DEK: variants seen among roughly 807,000 people sequenced by gnomAD.
DEK encodes protein DEK.
DEK carries 28 observed loss-of-function variants against 46.8 expected under a neutral mutation model. The ratio of observed to expected loss-of-function variants is 0.60; its 90% CI spans 0.44 to 0.82. The LOEUF (loss-of-function observed/expected upper bound fraction) is 0.82. DEK is among the 40% of genes least tolerant of loss of function. The probability of loss-of-function intolerance (pLI) is 0.00; values close to 1 mark genes in which losing one functional copy is unlikely to be tolerated. For missense variants in DEK, 416 were observed against 430.6 expected (o/e 0.97, Z 0.30); for synonymous variants, 160 against 144.5 (o/e 1.11, Z -0.77).
chr6:18,260,586 C>T (rs1791813379), intron 2 of DEK, among the ~76,000 whole-genome samples: 1 of 152,160 alleles, frequency 6.6e-6, no homozygotes, highest in Admixed American at 6.5e-5. Flanking sequence ...TCCCTTTTCC[C>T]CAAAATCACT....
At chr6:18,226,911 C>A (rs1790152524) in intron 9 of DEK, among the ~76,000 whole-genome samples, 1 of 152,202 alleles carries the variant, frequency 6.6e-6, no homozygotes, top group Admixed American at 6.5e-5. Context: ...TGTGTCAACT[C>A]AGGGTGAAAT....
intron 7 of DEK, among the ~76,000 whole-genome samples, chr6:18,239,734 G>A (rs1442187458): frequency 6.6e-6 from 1 of 152,090 alleles, no homozygotes; most frequent in Non-Finnish European, 1.5e-5. Context: ...ATGGTGTGGG[G>A]CTATGGGACA....
At chr6:18,237,641 TAAA>T (rs1790716934) in intron 7 of DEK, 125 bp from the exon 8 acceptor site, 1 of 1,302,108 alleles carries the variant, frequency 7.7e-7, no homozygotes, top group Non-Finnish European at 1.0e-6. Flanking sequence ...TATCAGCAAT[TAAA>T]AATTCTTTTT....
chr6:18,260,311 C>A (rs1791800059), intron 2 of DEK, among the ~76,000 whole-genome samples: 1 of 152,132 alleles, frequency 6.6e-6, no homozygotes, highest in African/African-American at 2.4e-5. Context: ...ATGCAACCAT[C>A]CATTTTTACC....
rs143664686 is a variant in DEK at position 18,256,349 on chromosome 6, A to G, written c.452+12T>C. On this transcript the variant is annotated intron_variant, in intron 5 of 10. Transcript: ENST00000652689. ...TATTGATCAAAATACAGTATTTATA[A>G]AAATAACTTACTTTTTCAACATTTC... 6.3e-7 allele frequency: 1 copy of G among 1,591,366 alleles called. No individual in the cohort carries two copies. The highest frequency in any genetic ancestry group is 1.1e-5 in the South Asian group (1 of 88,916).
At chr6:18,228,919 C>T (rs557298721) in intron 9 of DEK, among the ~76,000 whole-genome samples, 3 of 152,220 alleles carry the variant, frequency 2.0e-5, no homozygotes, top group Non-Finnish European at 4.4e-5. Context: ...GGAGGCCTGA[C>T]TGCCTCTGTA....
intron 4 of DEK, among the ~76,000 whole-genome samples, chr6:18,257,464 C>A (rs1791648627): frequency 6.6e-6 from 1 of 152,204 alleles, no homozygotes; most frequent in Non-Finnish European, 1.5e-5. Flanking sequence ...GTAATCCCAA[C>A]ACTTTGGGAG....
chr6:18,261,050 G>A (rs1408024330), intron 2 of DEK, among the ~76,000 whole-genome samples: 1 of 151,816 alleles, frequency 6.6e-6, no homozygotes, highest in Non-Finnish European at 1.5e-5. Flanking sequence ...AGGGGAAATG[G>A]GGGGTGGACC....
chr6:18,252,624 T>C (rs1270232048), intron 6 of DEK, among the ~76,000 whole-genome samples: 5 of 151,406 alleles, frequency 3.3e-5, no homozygotes, highest in African/African-American at 1.2e-4. Context: ...TAAGATTCTA[T>C]ATGACAAGAA....
chr6:18,246,077 C>G (rs1791102846), intron 7 of DEK, among the ~76,000 whole-genome samples: 1 of 152,058 alleles, frequency 6.6e-6, no homozygotes, highest in Non-Finnish European at 1.5e-5. Flanking sequence ...TAAAATTACT[C>G]AGTCTTGGGT....
chr6:18,226,005 T>C lies in DEK; in HGVS notation c.1116+169A>G, dbSNP rs923833280. The C allele has an allele frequency of 3.1e-5, 24 of 781,814 alleles. No individual in the cohort carries two copies. In the African/African-American group the frequency reaches 4.2e-4, roughly 14 times the overall value. The allele number at this position is 781,814 out of a possible 1,614,324, so 48.4% of individuals were successfully genotyped here. On this transcript the variant is annotated intron_variant, in intron 10 of 10. Coordinates refer to ENST00000652689, the MANE Select transcript of DEK (RefSeq NM_003472.4). ...ATCACTAACTGTTCAAACTTTAATTTTAAGCTTTAAAGTGGGAATGAGAAG... is the reference window on the plus strand; with the variant it reads ...ATCACTAACTGTTCAAACTTTAATTCTAAGCTTTAAAGTGGGAATGAGAAG...
intron 9 of DEK, among the ~76,000 whole-genome samples, chr6:18,230,837 G>A (rs1396255166): frequency 6.6e-6 from 1 of 152,152 alleles, no homozygotes; most frequent in Admixed American, 6.5e-5. Context: ...AAGTCAACAA[G>A]GATACCCAGG....
intron 9 of DEK, among the ~76,000 whole-genome samples, chr6:18,230,526 G>A (rs1195917436): frequency 6.6e-6 from 1 of 152,160 alleles, no homozygotes; most frequent in East Asian, 1.9e-4. Context: ...ATGAAGGGAT[G>A]GAGGAAGATC....
chr6:18,256,549 C>T, intron 4 of DEK, 94 bp from the exon 5 acceptor site: 1 of 1,001,792 alleles, frequency 1.0e-6, no homozygotes, highest in Non-Finnish European at 1.5e-6. Flanking sequence ...TCTTTATTTT[C>T]ATACCTGTCT....
intron 6 of DEK, among the ~76,000 whole-genome samples, chr6:18,255,008 G>C (rs1791543008): frequency 6.6e-6 from 1 of 152,062 alleles, no homozygotes; most frequent in African/African-American, 2.4e-5. Context: ...TGAACTCCTA[G>C]GCCTGCTAGA....
chr6:18,252,475 C>G (rs1170351864), intron 6 of DEK, among the ~76,000 whole-genome samples: 6 of 133,736 alleles, frequency 4.5e-5, no homozygotes, highest in Non-Finnish European at 6.1e-5. Context: ...TACCACAACA[C>G]TCCAGTCTAG....
chr6:18,261,289 T>C (rs12198910), intron 2 of DEK, among the ~76,000 whole-genome samples: 24,786 of 152,156 alleles, frequency 0.16, 2,404 homozygotes, highest in East Asian at 0.25. Flanking sequence ...TTCAGACTTG[T>C]AGGCCGGGCG....
At chr6:18,229,285 C>A (rs531482382) in intron 9 of DEK, among the ~76,000 whole-genome samples, 2 of 152,302 alleles carry the variant, frequency 1.3e-5, no homozygotes, top group Admixed American at 1.3e-4. Context: ...TGGGAAGAAA[C>A]CAGAGCAGAA....
intron 7 of DEK, among the ~76,000 whole-genome samples, chr6:18,248,946 C>T (rs1469584170): frequency 6.6e-6 from 1 of 152,154 alleles, no homozygotes; most frequent in Non-Finnish European, 1.5e-5. Flanking sequence ...TGAACGAAAA[C>T]ATCAAAGTTA....
Sources: allele counts gnomAD v4.1 joint callset (sites outside exome capture counted in the v4.1 genomes callset), GRCh38; gene constraint gnomAD v4.1.1; transcripts MANE v1.5; gene names NCBI Gene and HGNC (gene_info 2026-07-23, HGNC 2026-07-21).